Variants in INTS9 observed in about 807,000 individuals in gnomAD.
INTS9 encodes the protein integrator complex subunit 9.
A neutral mutation model predicts 79.7 loss-of-function variants in INTS9; 55 were observed. The observed-to-expected ratio is 0.69, with a 90% CI of 0.56 to 0.86. INTS9 has a LOEUF of 0.86. INTS9 is among the 40% of genes least tolerant of loss of function. The pLI, the probability that INTS9 is intolerant of heterozygous loss-of-function variation, is 0.00. For missense variants in INTS9, 721 were observed against 831.5 expected (o/e 0.87, Z 1.64); for synonymous variants, 319 against 325.2 (o/e 0.98, Z 0.20).
intron 11 of INTS9, among the ~76,000 whole-genome samples, chr8:28,785,511 T>C (rs893424831): frequency 6.6e-6 from 1 of 152,230 alleles, no homozygotes; most frequent in Non-Finnish European, 1.5e-5. Context: ...TTATATTCAT[T>C]ACTAGCATTA....
chr8:28,882,474 AG>A (rs1189309567), intron 1 of INTS9, among the ~76,000 whole-genome samples: 38 of 138,686 alleles, frequency 2.7e-4, no homozygotes, highest in African/African-American at 9.9e-4. Context: ...AAAAAAAAAT[AG>A]AAATAAAATA....
chr8:28,770,156 G>C, intron 15 of INTS9, 130 bp from the exon 16 acceptor site: 16 of 1,196,630 alleles, frequency 1.3e-5, no homozygotes, highest in Non-Finnish European at 1.8e-5. Flanking sequence ...TTCCTCAGCC[G>C]GCACTCGGTT....
chr8:28,862,462 T>C (rs909628100), intron 1 of INTS9, among the ~76,000 whole-genome samples: 8 of 152,198 alleles, frequency 5.3e-5, no homozygotes, highest in African/African-American at 1.7e-4. Context: ...TTGTTGAACA[T>C]TGAGGGTTGT....
At chr8:28,769,021 A>G (rs908837917) in intron 16 of INTS9, among the ~76,000 whole-genome samples, 9 of 152,172 alleles carry the variant, frequency 5.9e-5, no homozygotes, top group African/African-American at 2.2e-4. Context: ...TTAAAAGTCC[A>G]GCTTGAGGCC....
chr8:28,778,313 A>G (rs982081483), intron 12 of INTS9, among the ~76,000 whole-genome samples: 101 of 152,374 alleles, frequency 6.6e-4, no homozygotes, highest in African/African-American at 2.4e-3. Flanking sequence ...GATGAAAATC[A>G]TCAACAAATG....
chr8:28,795,026 T>A (rs1804122407), intron 9 of INTS9, among the ~76,000 whole-genome samples: 1 of 152,244 alleles, frequency 6.6e-6, no homozygotes, highest in Non-Finnish European at 1.5e-5. Flanking sequence ...TGCATTAGTA[T>A]CAAAGAACAA....
chr8:28,843,194 C>G (rs955160833), intron 4 of INTS9, among the ~76,000 whole-genome samples: 6 of 152,208 alleles, frequency 3.9e-5, no homozygotes, highest in African/African-American at 1.4e-4. Flanking sequence ...TGCTGTTTAT[C>G]TTTTTTCTTC....
intron 9 of INTS9, among the ~76,000 whole-genome samples, chr8:28,795,639 CAAAAAAAAAAA>C (rs56910832): frequency 4.2e-5 from 3 of 70,806 alleles, no homozygotes; most frequent in Non-Finnish European, 7.6e-5. Context: ...GACTCCGTCT[CAAAAAAAAAAA>C]AAAAAAAAAA....
At chr8:28,783,171 AAGC>A (rs1283302457) in intron 11 of INTS9, among the ~76,000 whole-genome samples, 1 of 140,774 alleles carries the variant, frequency 7.1e-6, no homozygotes, top group Non-Finnish European at 1.5e-5. Flanking sequence ...AAAAAAAAAG[AAGC>A]AGGTGCCCCG....
intron 4 of INTS9, among the ~76,000 whole-genome samples, 192 bp from the exon 5 acceptor site, chr8:28,837,968 G>T (rs1001766815): frequency 6.6e-6 from 1 of 152,038 alleles, no homozygotes; most frequent in Admixed American, 6.6e-5. Flanking sequence ...GGACAGGACG[G>T]CCAGCAGTGA....
chr8:28,820,032 G>A (rs2131093814), intron 6 of INTS9, among the ~76,000 whole-genome samples: 1 of 151,780 alleles, frequency 6.6e-6, no homozygotes, highest in Non-Finnish European at 1.5e-5. Context: ...CTTTTATTTT[G>A]AGCCTATGTG....
At chr8:28,794,052 C>A (rs1338542256) in intron 9 of INTS9, 65 bp from the exon 10 acceptor site, 12 of 1,186,652 alleles carry the variant, frequency 1.0e-5, no homozygotes, top group African/African-American at 3.2e-5. Context: ...TAAAGATAAA[C>A]TTGTAAAATA....
chr8:28,840,959 TA>T (rs1262038493), intron 4 of INTS9, among the ~76,000 whole-genome samples: 2 of 121,542 alleles, frequency 1.6e-5, no homozygotes, highest in African/African-American at 3.0e-5. Flanking sequence ...ATAAATAAAG[TA>T]AAAAAAAAAA....
At position 28,835,397 on chromosome 8, in the gene INTS9, A is replaced by G. The variant is rs1806752173; in HGVS notation, c.402-19T>C. On this transcript the variant is annotated intron_variant, in intron 5 of 16. Coordinates refer to ENST00000521022, the MANE Select transcript of INTS9 (RefSeq NM_018250.4). ...GAGAAGCCTGAGTTTAAACAAAACA[A>G]GTGAGGAACACCCATTAAAAAATTA... 1.9e-6 allele frequency: 3 copies of G among 1,589,906 alleles called. No homozygotes were observed. Among genetic ancestry groups the G allele is most frequent in the Non-Finnish European group, 1.7e-6 (2 of 1,159,190 alleles).
chr8:28,889,254 G>T (rs1167331306), intron 1 of INTS9, among the ~76,000 whole-genome samples: 1 of 152,136 alleles, frequency 6.6e-6, no homozygotes, highest in Non-Finnish European at 1.5e-5. Context: ...TACCGAGCAC[G>T]CTTCATTCAG....
intron 3 of INTS9, 85 bp from the exon 4 acceptor site, chr8:28,846,894 T>G: frequency 9.7e-7 from 1 of 1,033,656 alleles, no homozygotes; most frequent in Non-Finnish European, 1.5e-6. Flanking sequence ...AACAAAACTT[T>G]TCATGAAGAA....
At chr8:28,881,981 A>G (rs1466641690) in intron 1 of INTS9, among the ~76,000 whole-genome samples, 3 of 145,644 alleles carry the variant, frequency 2.1e-5, no homozygotes, top group African/African-American at 7.6e-5. Flanking sequence ...GGGATGGGCC[A>G]TGATGACAAT....
chr8:28,769,903 G>C lies in INTS9; in HGVS notation c.1786C>G (p.Gln596Glu), dbSNP rs769441294. Residue 596 changes from glutamine (Q) to glutamate (E), a missense_variant, in exon 16 of 17, where the codon CAG becomes GAG. Transcript: ENST00000521022. ...SGSIPVEQFVQTLEKHGFSDI... is the reference protein window; with the variant it reads ...SGSIPVEQFVETLEKHGFSDI... ...AACCAGCTCACCTTCTCCAGGGTCT[G>C]CACGAACTGCTCCACAGGGATGGAA... 1 of 1,614,150 alleles carries C rather than the reference G, an allele frequency of 6.2e-7. No homozygotes were observed. The highest frequency in any genetic ancestry group is 8.5e-7 in the Non-Finnish European group (1 of 1,179,992).
At chr8:28,781,576 A>G (rs756708481) in intron 11 of INTS9, among the ~76,000 whole-genome samples, 24 of 152,230 alleles carry the variant, frequency 1.6e-4, no homozygotes, top group Non-Finnish European at 3.4e-4. Flanking sequence ...GATGAAACTG[A>G]TGCATCCAGA....
Sources: allele counts gnomAD v4.1 joint callset (sites outside exome capture counted in the v4.1 genomes callset), GRCh38; gene constraint gnomAD v4.1.1; transcripts MANE v1.5; gene names NCBI Gene and HGNC (gene_info 2026-07-23, HGNC 2026-07-21).